The following DOCK4 variants were observed in gnomAD, a reference collection of about 807,000 sequenced individuals.
The protein encoded by DOCK4 is dedicator of cytokinesis 4, also known as dedicator of cytokinesis protein 4.
Under a neutral mutation model 268.1 loss-of-function variants are expected in DOCK4, and 97 were observed. The ratio of observed to expected loss-of-function variants is 0.36; its 90% confidence interval spans 0.31 to 0.43. The LOEUF is 0.43. Ranked by LOEUF, DOCK4 falls within the 20% of genes least tolerant of loss-of-function variation. The pLI is 1.00. For synonymous variants in DOCK4, 954 were observed against 887.2 expected (o/e 1.08, Z -1.34); for missense variants, 2,145 against 2,455.7 (o/e 0.87, Z 2.67).
chr7:112,094,670 T>G (rs1809943456), intron 1 of DOCK4, among the ~76,000 whole-genome samples: 2 of 152,166 alleles, frequency 1.3e-5, no homozygotes, highest in South Asian at 4.1e-4. Context: ...ATGACCAAAC[T>G]AGGGAGTTAA....
chr7:111,806,139 C>T (rs1800653358), intron 30 of DOCK4, among the ~76,000 whole-genome samples: 1 of 152,110 alleles, frequency 6.6e-6, no homozygotes, highest in South Asian at 2.1e-4. Flanking sequence ...TGGACTGTTA[C>T]ATTAAAACAT....
intron 27 of DOCK4, chr7:111,821,908 T>C (rs1427806851): frequency 6.5e-6 from 1 of 152,694 alleles, no homozygotes; most frequent in African/African-American, 2.4e-5. Context: ...AAATAAACTA[T>C]GGTATGGTCA....
intron 1 of DOCK4, among the ~76,000 whole-genome samples, chr7:112,103,585 TA>T (rs541042949): frequency 5.3e-5 from 8 of 152,168 alleles, no homozygotes; most frequent in Non-Finnish European, 1.2e-4. Context: ...TATAGAATTT[TA>T]AAAATCATAA....
chr7:112,116,451 C>T (rs1812182079), intron 1 of DOCK4, among the ~76,000 whole-genome samples: 2 of 152,182 alleles, frequency 1.3e-5, no homozygotes, highest in South Asian at 4.1e-4. Flanking sequence ...AAAATGCTCA[C>T]CTTACGATCA....
intron 5 of DOCK4, among the ~76,000 whole-genome samples, chr7:111,990,506 T>C (rs1191287733): frequency 1.3e-5 from 2 of 152,228 alleles, no homozygotes; most frequent in African/African-American, 4.8e-5. Flanking sequence ...CACGTATTTT[T>C]TATTTTAAAA....
Position 111,758,612 on chromosome 7 carries a change from A to G in DOCK4, c.4329+12T>C, listed in dbSNP as rs1291511088. On this transcript the variant is annotated intron_variant, in intron 41 of 52. Coordinates refer to ENST00000428084, the MANE Select transcript of DOCK4 (RefSeq NM_001363540.2). Reference sequence around the variant, plus strand: ...TCTGAGGAGTTAGCATGTAATAAGAATTGCATGGTACCTTGAATTCATTCT... The same window carrying G: ...TCTGAGGAGTTAGCATGTAATAAGAGTTGCATGGTACCTTGAATTCATTCT... The G allele has an allele frequency of 6.2e-7, 1 of 1,613,456 alleles. No individual in the cohort carries two copies. Among genetic ancestry groups the G allele is most frequent in the Non-Finnish European group, 8.5e-7 (1 of 1,179,646 alleles).
At chr7:111,852,210 C>G (rs1256017933) in intron 23 of DOCK4, among the ~76,000 whole-genome samples, 2 of 152,078 alleles carry the variant, frequency 1.3e-5, no homozygotes, top group African/African-American at 4.8e-5. Context: ...GCAATTCATC[C>G]TTCTTGGCCT....
At chr7:111,826,605 C>T (rs1381205006) in intron 26 of DOCK4, among the ~76,000 whole-genome samples, 3 of 152,080 alleles carry the variant, frequency 2.0e-5, no homozygotes, top group Admixed American at 6.6e-5. Flanking sequence ...AGCTAGAGGC[C>T]ATTATCCTAA....
At chr7:112,185,604 TAAAAA>T (rs879681920) in intron 1 of DOCK4, among the ~76,000 whole-genome samples, 3 of 143,172 alleles carry the variant, frequency 2.1e-5, no homozygotes, top group African/African-American at 7.7e-5. Context: ...CACCCTCAGT[TAAAAA>T]AAAAAAAAGA....
intron 1 of DOCK4, among the ~76,000 whole-genome samples, chr7:112,200,204 A>T (rs555062087): frequency 2.0e-5 from 3 of 152,066 alleles, no homozygotes; most frequent in East Asian, 3.9e-4. Flanking sequence ...AGTGACAAGT[A>T]TTTTTTTTAA....
chr7:111,772,445 C>T (rs1001758252), intron 36 of DOCK4, among the ~76,000 whole-genome samples: 2 of 152,206 alleles, frequency 1.3e-5, no homozygotes, highest in African/African-American at 4.8e-5. Flanking sequence ...CTTAATACCA[C>T]TGAACTGTAC....
chr7:112,172,520 T>C (rs1007913506), intron 1 of DOCK4, among the ~76,000 whole-genome samples: 28 of 152,202 alleles, frequency 1.8e-4, no homozygotes, highest in African/African-American at 6.5e-4. Flanking sequence ...AACAAGTGAC[T>C]TTTAGATATT....
intron 47 of DOCK4, 81 bp downstream of exon 47, chr7:111,741,013 A>T: frequency 6.5e-7 from 1 of 1,533,248 alleles, no homozygotes; most frequent in South Asian, 1.2e-5. Flanking sequence ...TCTGTTCATC[A>T]GCACAGCAGA....
chr7:111,996,640 T>C (rs1379229859), intron 4 of DOCK4, among the ~76,000 whole-genome samples: 1 of 152,180 alleles, frequency 6.6e-6, no homozygotes, highest in African/African-American at 2.4e-5. Context: ...GTTGGGCTTT[T>C]CTGTTCTTCT....
chr7:111,889,936 T>C (rs1174207345), intron 16 of DOCK4, among the ~76,000 whole-genome samples: 3 of 152,216 alleles, frequency 2.0e-5, no homozygotes, highest in Non-Finnish European at 2.9e-5. Context: ...ACTTCTGCCA[T>C]GGTGGTTCTT....
intron 1 of DOCK4, among the ~76,000 whole-genome samples, chr7:112,077,594 C>T (rs1168005063): frequency 6.6e-6 from 1 of 152,052 alleles, no homozygotes; most frequent in East Asian, 1.9e-4. Context: ...TGGTATCATG[C>T]ATTATAAAAT....
chr7:111,933,272 A>G (rs1233130632), intron 12 of DOCK4, among the ~76,000 whole-genome samples: 1 of 127,782 alleles, frequency 7.8e-6, no homozygotes, highest in Non-Finnish European at 1.6e-5. Context: ...ATATATATAC[A>G]TATATACATA....
At chr7:112,165,688 T>C (rs1347810867) in intron 1 of DOCK4, among the ~76,000 whole-genome samples, 1 of 151,982 alleles carries the variant, frequency 6.6e-6, no homozygotes, top group East Asian at 1.9e-4. Flanking sequence ...TATTTAAATA[T>C]CAAGTACATT....
At chr7:111,946,798 T>C (rs1795660945) in intron 8 of DOCK4, among the ~76,000 whole-genome samples, 1 of 152,140 alleles carries the variant, frequency 6.6e-6, no homozygotes, top group African/African-American at 2.4e-5. Context: ...GCCAGGCTGG[T>C]CTCGAACTCC....
Sources: allele counts gnomAD v4.1 joint callset (sites outside exome capture counted in the v4.1 genomes callset), GRCh38; gene constraint gnomAD v4.1.1; transcripts MANE v1.5; gene names NCBI Gene and HGNC (gene_info 2026-07-23, HGNC 2026-07-21).